Variants in TMEM117 observed in about 807,000 individuals in gnomAD.
The protein encoded by TMEM117 is transmembrane protein 117.
In TMEM117, 27 loss-of-function variants were observed where a neutral mutation model predicts 52.4. That is an observed-to-expected ratio of 0.51 (90% CI 0.38 to 0.71). TMEM117 has a LOEUF of 0.71. TMEM117 is among the 30% of genes least tolerant of loss of function. The pLI, the probability that TMEM117 is intolerant of heterozygous loss-of-function variation, is 0.00. For missense variants in TMEM117, 556 were observed against 630.5 expected (o/e 0.88, Z 1.26); for synonymous variants, 215 against 206.3 (o/e 1.04, Z -0.36).
At chr12:44,226,074 C>G in intron 5 of TMEM117, among the ~76,000 whole-genome samples, 1 of 152,314 alleles carries the variant, frequency 6.6e-6, no homozygotes, top group South Asian at 2.1e-4. Flanking sequence ...ATTTACATGG[C>G]GCTCTAACTG....
chr12:44,217,451 TC>T (rs1269127702), intron 5 of TMEM117, among the ~76,000 whole-genome samples: 1 of 152,208 alleles, frequency 6.6e-6, no homozygotes, highest in Non-Finnish European at 1.5e-5. Flanking sequence ...TAGTGCCAGC[TC>T]TTGTTTTCAA....
At chr12:43,800,309 C>T in the TMEM117 span, 1 of 636,192 alleles carries the variant, frequency 1.6e-6, no homozygotes, top group South Asian at 2.2e-5. Context: ...ATATGAAATA[C>T]AGTATTTCTC....
At chr12:43,888,543 CTTTTTTTTTTTTT>C (rs147186370) in intron 2 of TMEM117, among the ~76,000 whole-genome samples, 1 of 92,206 alleles carries the variant, frequency 1.1e-5, no homozygotes, top group Non-Finnish European at 2.3e-5. Context: ...CATTAGTTTT[CTTTTTTTTTTTTT>C]TTTTTTTTTG....
intron 5 of TMEM117, among the ~76,000 whole-genome samples, chr12:44,237,752 T>G (rs1950015864): frequency 6.6e-6 from 1 of 152,050 alleles, no homozygotes; most frequent in Admixed American, 6.6e-5. Flanking sequence ...CTATAGCTAT[T>G]TTTGATTGTT....
At chr12:43,831,512 C>T (rs906266884), upstream of TMEM117, among the ~76,000 whole-genome samples, 39 of 148,658 alleles carry the variant, frequency 2.6e-4, no homozygotes, top group Admixed American at 2.5e-3. Flanking sequence ...GTGAGGTGAA[C>T]GGAAAAACAT....
At chr12:44,376,439 C>A in intron 6 of TMEM117, 156 bp from the exon 7 acceptor site, 1 of 855,402 alleles carries the variant, frequency 1.2e-6, no homozygotes, top group Non-Finnish European at 1.9e-6. Context: ...ACCTAATGTA[C>A]ATAAAATAAC....
rs114132913 is a variant in TMEM117 at position 43,852,024 on chromosome 12, C to T, written c.277+7096C>T. On this transcript the variant is annotated intron_variant, in intron 2 of 7. Coordinates refer to ENST00000266534, the MANE Select transcript of TMEM117 (RefSeq NM_032256.3). ...AGAGTATAACATTTAACCAGCTGGG[C>T]GCGGTGGCTCACGTCTGTAATCCCA... is the stretch of plus-strand genomic sequence containing the variant. Among the ~76,000 whole-genome samples the T allele has an allele frequency of 6.7e-3, 1,013 of 152,240 alleles. 8 individuals are homozygous for T. The highest frequency in any genetic ancestry group is 0.023 in the African/African-American group (939 of 41,528).
At chr12:44,178,402 T>A (rs1398145851) in intron 4 of TMEM117, among the ~76,000 whole-genome samples, 1 of 152,234 alleles carries the variant, frequency 6.6e-6, no homozygotes, top group Non-Finnish European at 1.5e-5. Context: ...TCTGCATTCT[T>A]TTAATAGACG....
At position 43,860,793 on chromosome 12, in the gene TMEM117, A is replaced by G. The variant is rs565030628; in HGVS notation, c.277+15865A>G. 6.6e-5 allele frequency among the ~76,000 whole-genome samples: 10 copies of G among 152,298 alleles called. No homozygotes were observed. In the South Asian group the frequency reaches 2.1e-3, roughly 32 times the overall value. ...TAACAAGCCTTCTCTCCTTAAGTAAAAGGGAGACACCAATAAACATATAAA... is the reference window on the plus strand; with the variant it reads ...TAACAAGCCTTCTCTCCTTAAGTAAGAGGGAGACACCAATAAACATATAAA... On this transcript the variant is annotated intron_variant, in intron 2 of 7. Coordinates refer to ENST00000266534, the MANE Select transcript of TMEM117 (RefSeq NM_032256.3).
At chr12:43,833,418 T>C (rs1565710852), upstream of TMEM117, among the ~76,000 whole-genome samples, 1 of 152,218 alleles carries the variant, frequency 6.6e-6, no homozygotes, top group Non-Finnish European at 1.5e-5. Context: ...TTTCAGCCTC[T>C]TTCTCAATGA....
chr12:43,972,968 A>G (rs998932785), intron 3 of TMEM117, among the ~76,000 whole-genome samples: 4 of 152,166 alleles, frequency 2.6e-5, no homozygotes, highest in African/African-American at 7.2e-5. Flanking sequence ...TCCCTCCTTA[A>G]CTATTAGTTA....
chr12:44,216,116 T>A (rs1949715125), intron 5 of TMEM117, among the ~76,000 whole-genome samples: 1 of 150,510 alleles, frequency 6.6e-6, no homozygotes, highest in African/African-American at 2.4e-5. Context: ...CAAGAGATTC[T>A]CCTGCCTCAG....
At chr12:44,255,826 T>C (rs1416144153) in intron 5 of TMEM117, among the ~76,000 whole-genome samples, 4 of 152,152 alleles carry the variant, frequency 2.6e-5, no homozygotes, top group Non-Finnish European at 5.9e-5. Context: ...TGTGTTTTTC[T>C]ATTAGCATTT....
intron 1 of TMEM117, among the ~76,000 whole-genome samples, chr12:43,843,696 T>G (rs1943152555): frequency 6.6e-6 from 1 of 152,146 alleles, no homozygotes; most frequent in East Asian, 1.9e-4. Context: ...TCCTCCAACC[T>G]TAAACTTGGG....
At chr12:43,846,164 A>G (rs1943204634) in intron 2 of TMEM117, among the ~76,000 whole-genome samples, 1 of 152,124 alleles carries the variant, frequency 6.6e-6, no homozygotes, top group African/African-American at 2.4e-5. Context: ...AAAGAATAGT[A>G]TATTAGTAAG....
At chr12:44,044,048 C>A (rs1946843130) in intron 3 of TMEM117, among the ~76,000 whole-genome samples, 1 of 152,178 alleles carries the variant, frequency 6.6e-6, no homozygotes, top group African/African-American at 2.4e-5. Flanking sequence ...AGGAAGGAAT[C>A]CAAAGGCTTA....
chr12:44,087,172 C>T (rs1384945238), intron 3 of TMEM117, among the ~76,000 whole-genome samples: 1 of 151,446 alleles, frequency 6.6e-6, no homozygotes, highest in Non-Finnish European at 1.5e-5. Context: ...AATTAGTACA[C>T]TTTAGTTCCA....
chr12:44,384,041 C>T (rs1952055858), intron 7 of TMEM117, among the ~76,000 whole-genome samples: 1 of 152,070 alleles, frequency 6.6e-6, no homozygotes, highest in Non-Finnish European at 1.5e-5. Flanking sequence ...ACTTTATAGA[C>T]AAGAACACAG....
intron 5 of TMEM117, among the ~76,000 whole-genome samples, chr12:44,221,631 A>G: frequency 6.6e-6 from 1 of 152,172 alleles, no homozygotes; most frequent in East Asian, 1.9e-4. Context: ...TCTAAATGGT[A>G]TCTTTCAGAG....
Sources: allele counts gnomAD v4.1 joint callset (sites outside exome capture counted in the v4.1 genomes callset), GRCh38; gene constraint gnomAD v4.1.1; transcripts MANE v1.5; gene names NCBI Gene and HGNC (gene_info 2026-07-23, HGNC 2026-07-21).